The following VAV3 variants were observed in gnomAD, a reference collection of about 807,000 sequenced individuals.
VAV3 encodes the protein vav guanine nucleotide exchange factor 3, also known as guanine nucleotide exchange factor VAV3.
A neutral mutation model predicts 131.2 loss-of-function variants in VAV3; 94 were observed. That is an observed-to-expected ratio of 0.72 (90% CI 0.61 to 0.85). The LOEUF (loss-of-function observed/expected upper bound fraction) is 0.85, where lower values mean the gene tolerates loss of function less well. Among genes scored for constraint, VAV3 ranks in the 40% least tolerant of loss-of-function variants. The pLI is 0.00. For synonymous variants in VAV3, 349 were observed against 342.0 expected, an observed-to-expected ratio of 1.02 and a Z score of -0.22; for missense variants, 939 against 1,002.7, an observed-to-expected ratio of 0.94 and a Z score of 0.86.
At chr1:107,764,582 C>G (rs985358217) in intron 9 of VAV3, among the ~76,000 whole-genome samples, 1 of 152,148 alleles carries the variant, frequency 6.6e-6, no homozygotes, top group African/African-American at 2.4e-5. Context: ...TGCAATGGTG[C>G]AACCATAGCT....
At chr1:107,685,280 G>A (rs1658938024) in intron 18 of VAV3, among the ~76,000 whole-genome samples, 1 of 152,140 alleles carries the variant, frequency 6.6e-6, no homozygotes, top group Non-Finnish European at 1.5e-5. Context: ...AATTCAGTTT[G>A]AACACAAACA....
intron 1 of VAV3, among the ~76,000 whole-genome samples, chr1:107,954,764 T>TGG (rs374683501): frequency 3.0e-5 from 4 of 133,128 alleles, no homozygotes; most frequent in African/African-American, 9.8e-5. Flanking sequence ...GAAAATACCA[T>TGG]GGGAGGGGGG....
intron 9 of VAV3, among the ~76,000 whole-genome samples, chr1:107,761,190 C>T (rs1431051788): frequency 1.3e-5 from 2 of 152,042 alleles, no homozygotes; most frequent in East Asian, 1.9e-4. Context: ...GAGATCAAGA[C>T]CATCCTGGCT....
chr1:107,765,340 G>T (rs1664680874), intron 8 of VAV3, among the ~76,000 whole-genome samples, 165 bp from the exon 9 acceptor site: 1 of 152,096 alleles, frequency 6.6e-6, no homozygotes, highest in African/African-American at 2.4e-5. Context: ...TAGAATAAGG[G>T]TCACTCATTT....
chr1:107,728,424 T>C (rs1661984796), intron 15 of VAV3, among the ~76,000 whole-genome samples: 2 of 152,052 alleles, frequency 1.3e-5, no homozygotes, highest in South Asian at 4.1e-4. Flanking sequence ...TCTGAGACCA[T>C]CCAGTATAGT....
At chr1:107,808,873 T>C (rs1165175005) in intron 2 of VAV3, among the ~76,000 whole-genome samples, 4 of 152,216 alleles carry the variant, frequency 2.6e-5, no homozygotes, top group Non-Finnish European at 5.9e-5. Flanking sequence ...TTTATCCATA[T>C]GCCTAATTAT....
At chr1:107,878,767 C>T (rs940170814) in intron 1 of VAV3, among the ~76,000 whole-genome samples, 1 of 152,022 alleles carries the variant, frequency 6.6e-6, no homozygotes, top group African/African-American at 2.4e-5. Context: ...GGTACATGTC[C>T]CCCCTTTATA....
intron 1 of VAV3, among the ~76,000 whole-genome samples, chr1:107,907,921 T>C (rs914196593): frequency 4.6e-5 from 7 of 152,322 alleles, no homozygotes; most frequent in African/African-American, 1.7e-4. Context: ...ATATGCGTTA[T>C]ACTAAATCAA....
chr1:107,812,177 A>G (rs1400085945), intron 2 of VAV3, among the ~76,000 whole-genome samples: 1 of 152,220 alleles, frequency 6.6e-6, no homozygotes, highest in African/African-American at 2.4e-5. Context: ...ACTTCCTGAA[A>G]CTTAACACAG....
intron 2 of VAV3, among the ~76,000 whole-genome samples, chr1:107,843,393 TAATA>T (rs1668816013): frequency 1.4e-5 from 2 of 147,026 alleles, no homozygotes. Flanking sequence ...TATATATAGT[TAATA>T]AACATTAGTT....
intron 2 of VAV3, among the ~76,000 whole-genome samples, chr1:107,813,275 C>G (rs1667409131): frequency 6.6e-6 from 1 of 152,040 alleles, no homozygotes; most frequent in African/African-American, 2.4e-5. Context: ...AAGCTACACT[C>G]AAGAAAAGGT....
intron 1 of VAV3, among the ~76,000 whole-genome samples, chr1:107,918,371 G>A: frequency 6.6e-6 from 1 of 152,174 alleles, no homozygotes; most frequent in Non-Finnish European, 1.5e-5. Context: ...TGGAGCTCAG[G>A]AGGTCCCTAC....
chr1:107,670,707 C>A (rs1479657697), intron 19 of VAV3, among the ~76,000 whole-genome samples: 2 of 152,122 alleles, frequency 1.3e-5, no homozygotes, highest in Non-Finnish European at 2.9e-5. Flanking sequence ...TTGACTTAGT[C>A]CCAAATAGGG....
At chr1:107,713,454 C>T (rs182507551) in intron 15 of VAV3, among the ~76,000 whole-genome samples, 1 of 151,646 alleles carries the variant, frequency 6.6e-6, no homozygotes, top group Non-Finnish European at 1.5e-5. Context: ...TACACAAGTA[C>T]CATTGAAAGT....
intron 2 of VAV3, among the ~76,000 whole-genome samples, chr1:107,788,318 C>G (rs923776616): frequency 6.6e-6 from 1 of 151,998 alleles, no homozygotes; most frequent in Non-Finnish European, 1.5e-5. Flanking sequence ...TCAGAGAAGT[C>G]CCCAGGAGCT....
At chr1:107,860,781 G>A (rs961122575) in intron 2 of VAV3, among the ~76,000 whole-genome samples, 3 of 151,668 alleles carry the variant, frequency 2.0e-5, no homozygotes, top group East Asian at 3.9e-4. Context: ...TTGCAGTCCC[G>A]GCTACTCAGG....
chr1:107,964,650 G>T lies in VAV3; in HGVS notation c.204+16C>A. The T allele has an allele frequency of 6.2e-7, 1 of 1,607,990 alleles. No individual in the cohort carries two copies. The highest frequency in any genetic ancestry group is 8.5e-7 in the Non-Finnish European group (1 of 1,176,914). Reference sequence around the variant, plus strand: ...GCTGCCGGCTGGAGGCGGGGCGCCCGTGCCGGCCTCCTCACCTGGGACATC... The same window carrying T: ...GCTGCCGGCTGGAGGCGGGGCGCCCTTGCCGGCCTCCTCACCTGGGACATC... On this transcript the variant is annotated intron_variant, in intron 1 of 26. Coordinates refer to ENST00000370056, the MANE Select transcript of VAV3 (RefSeq NM_006113.5).
At chr1:107,689,538 A>T (rs1294646770) in intron 17 of VAV3, among the ~76,000 whole-genome samples, 5 of 145,778 alleles carry the variant, frequency 3.4e-5, no homozygotes, top group South Asian at 2.1e-4. Context: ...TTCTTTTTTT[A>T]ACGAATACTT....
At chr1:107,861,157 C>G (rs1377757747) in intron 2 of VAV3, among the ~76,000 whole-genome samples, 2 of 151,428 alleles carry the variant, frequency 1.3e-5, no homozygotes. Context: ...GAATCCAAAA[C>G]AGTATAGAAA....
Sources: allele counts gnomAD v4.1 joint callset (sites outside exome capture counted in the v4.1 genomes callset), GRCh38; gene constraint gnomAD v4.1.1; transcripts MANE v1.5; gene names NCBI Gene and HGNC (gene_info 2026-07-23, HGNC 2026-07-21).